Variants in LNPEP observed in about 807,000 individuals in gnomAD.
LNPEP encodes leucyl and cystinyl aminopeptidase, also known as leucyl-cystinyl aminopeptidase.
A neutral mutation model predicts 120.6 loss-of-function variants in LNPEP; 64 were observed. The ratio of observed to expected loss-of-function variants is 0.53; its 90% CI spans 0.43 to 0.65. LNPEP has a LOEUF of 0.65. Ranked by LOEUF, LNPEP falls within the 30% of genes least tolerant of loss-of-function variation. The pLI is 0.00. For missense variants in LNPEP, 1,057 were observed against 1,200.0 expected, an observed-to-expected ratio of 0.88 and a Z score of 1.76; for synonymous variants, 435 against 425.4, an observed-to-expected ratio of 1.02 and a Z score of -0.28.
chr5:96,994,505 C>T (rs1790462238), intron 6 of LNPEP, among the ~76,000 whole-genome samples: 1 of 149,518 alleles, frequency 6.7e-6, no homozygotes, highest in African/African-American at 2.5e-5. Flanking sequence ...ATGGGGTTCT[C>T]TGTTAATTTT....
intron 1 of LNPEP, among the ~76,000 whole-genome samples, chr5:96,948,679 C>T (rs922396142): frequency 6.6e-6 from 1 of 152,100 alleles, no homozygotes; most frequent in Admixed American, 6.5e-5. Context: ...AATTGTTTCT[C>T]GAAAAGATTA....
chr5:96,979,382 T>C lies in LNPEP; in HGVS notation c.264T>C (p.Leu88=). The change falls in exon 2 of 18, where the codon CTT becomes CTC. Residue 88 remains leucine (L), a synonymous_variant. Transcript: ENST00000231368. The part of the protein sequence containing the change: ...GMSFMNRSSG[L]RNSATGYRQS... ...CCTTCATGAATAGAAGCTCAGGCCT[T>C]CGGAACAGTGCAACTGGTTACAGGC... is the stretch of plus-strand genomic sequence containing the variant. 6.2e-7 allele frequency: 1 copy of C among 1,614,082 alleles called. No homozygotes were observed. The highest frequency in any genetic ancestry group is 1.1e-5 in the South Asian group (1 of 91,082).
intron 4 of LNPEP, among the ~76,000 whole-genome samples, chr5:96,988,100 T>G (rs1440301950): frequency 6.6e-6 from 1 of 152,006 alleles, no homozygotes; most frequent in Non-Finnish European, 1.5e-5. Context: ...TATCCCAAAA[T>G]GTATGCAGTC....
chr5:96,989,266 GATAT>G (rs1335689158), intron 4 of LNPEP, among the ~76,000 whole-genome samples: 2 of 135,728 alleles, frequency 1.5e-5, no homozygotes, highest in African/African-American at 5.5e-5. Flanking sequence ...GTGTATATAT[GATAT>G]ATATATTATA....
rs1193708221 is a variant in LNPEP, at chr5:96,954,749, C to CAT, written c.19+18598_19+18599dup. Among the ~76,000 whole-genome samples, 44 of 24,206 alleles carry CAT rather than the reference C, an allele frequency of 1.8e-3. 10 individuals are homozygous for CAT. The highest frequency in any genetic ancestry group is 3.3e-3 in the African/African-American group (18 of 5,410). 15.9% of individuals were successfully genotyped at this position (24,206 alleles called of 152,430 possible). A position where few individuals can be genotyped will look rare whatever the true frequency, so the allele number is the denominator to read the frequency against. The stretch of plus-strand genomic sequence containing the variant: ...ATATATATATACATATATATATACA[C>CAT]ATATATATATATATATATATATATT... On this transcript the variant is annotated intron_variant, in intron 1 of 17. Transcript: ENST00000231368.
intron 7 of LNPEP, among the ~76,000 whole-genome samples, chr5:96,996,725 T>C (rs904966869): frequency 2.6e-5 from 4 of 152,120 alleles, no homozygotes; most frequent in African/African-American, 9.7e-5. Flanking sequence ...TTATATAAGA[T>C]TATTTTATAT....
chr5:96,992,037 A>T (rs1790400848), intron 4 of LNPEP, among the ~76,000 whole-genome samples: 1 of 37,956 alleles, frequency 2.6e-5, no homozygotes, highest in African/African-American at 7.5e-5. Flanking sequence ...AGAAAAAAAT[A>T]AATACTGTTT....
rs147206030 is a variant in LNPEP, at chr5:96,939,362, C to T, written c.19+3188C>T. Among the ~76,000 whole-genome samples, 54 of 151,934 alleles carry T rather than the reference C, an allele frequency of 3.6e-4. No individual in the cohort carries two copies. The South Asian group carries it at 4.6e-3, about 13-fold the overall frequency. ...CCGAGTAGCTGGGATTACAGGCGCC[C>T]GCCACCATGCCCAAATAATTTTTGT... On this transcript the variant is annotated intron_variant, in intron 1 of 17. Coordinates refer to ENST00000231368, the MANE Select transcript of LNPEP (RefSeq NM_005575.3).
At chr5:96,981,748 G>A (rs965241822) in intron 2 of LNPEP, among the ~76,000 whole-genome samples, 8 of 152,176 alleles carry the variant, frequency 5.3e-5, no homozygotes, top group African/African-American at 1.4e-4. Flanking sequence ...TTACCCATGT[G>A]ATCTAAGAGA....
At chr5:97,007,738 A>T (rs948004693) in intron 11 of LNPEP, among the ~76,000 whole-genome samples, 2 of 152,114 alleles carry the variant, frequency 1.3e-5, no homozygotes, top group Non-Finnish European at 2.9e-5. Context: ...AACCTACTTG[A>T]TTCACCATTT....
chr5:96,982,680 A>C (rs1217500428), intron 2 of LNPEP, among the ~76,000 whole-genome samples: 1 of 151,704 alleles, frequency 6.6e-6, no homozygotes, highest in Non-Finnish European at 1.5e-5. Context: ...ATGAAATGTT[A>C]GAAACATAAT....
chr5:96,972,561 C>G (rs1789893007), intron 1 of LNPEP, among the ~76,000 whole-genome samples: 2 of 152,066 alleles, frequency 1.3e-5, no homozygotes, highest in African/African-American at 4.8e-5. Context: ...ACGTGCCCCC[C>G]TTCACCAGCA....
chr5:96,960,568 C>A (rs1789577433), intron 1 of LNPEP, among the ~76,000 whole-genome samples: 1 of 152,124 alleles, frequency 6.6e-6, no homozygotes, highest in African/African-American at 2.4e-5. Flanking sequence ...TTCTGTGTCC[C>A]AACAAGTATA....
chr5:97,010,729 G>C, intron 11 of LNPEP: 1 of 985,320 alleles, frequency 1.0e-6, no homozygotes, highest in Non-Finnish European at 1.2e-6. Context: ...CTACTCAATA[G>C]ACTGAAAATT....
In LNPEP at chr5:97,003,598, C is replaced by T. The variant is rs766618085; in HGVS notation, c.1785+52C>T. On this transcript the variant is annotated intron_variant, in intron 9 of 17. Transcript: ENST00000231368. The stretch of plus-strand genomic sequence containing the variant: ...CTCTTACTGTAAAAAGAGAGGAGTT[C>T]GTCTATTTATACTTTTTAGCATGTG... 11 of 1,326,326 alleles carry T rather than the reference C, an allele frequency of 8.3e-6. No individual in the cohort carries two copies. In the Admixed American group the frequency reaches 9.1e-5, roughly 11 times the overall value. 82.2% of individuals were successfully genotyped at this position (1,326,326 alleles called of 1,614,324 possible).
chr5:96,962,821 A>G (rs542925433), intron 1 of LNPEP: 4 of 151,386 alleles, frequency 2.6e-5, no homozygotes, highest in African/African-American at 9.6e-5. Context: ...GTATTAGCAT[A>G]TGATTTGCCC....
Position 96,979,467 on chromosome 5 carries a change from G to A in LNPEP, c.349G>A (p.Val117Ile). 2 of 1,614,056 alleles carry A rather than the reference G, an allele frequency of 1.2e-6. No individual in the cohort carries two copies. Among genetic ancestry groups the A allele is most frequent in the Non-Finnish European group, 1.7e-6 (2 of 1,179,972 alleles). ...AAGGACCATGGTGGTCTGTGCTTTT[G>A]TCATCGTGGTTGCTGTTTCTGTAAT... The part of the protein sequence containing the change: ...SARTMVVCAF[V>I]IVVAVSVIMV... Residue 117 changes from valine to isoleucine, a missense_variant, in exon 2 of 18, where the codon GTC becomes ATC. Val to Ile is a conservative substitution (Grantham distance 29). Coordinates refer to ENST00000231368, the MANE Select transcript of LNPEP (RefSeq NM_005575.3).
chr5:97,024,739 C>T (rs60280354), intron 15 of LNPEP, 57 bp downstream of exon 15: 15,270 of 1,498,994 alleles, frequency 0.01, 373 homozygotes, highest in East Asian at 0.071. Context: ...AAACACTGTG[C>T]TCTTGGTCAG....
chr5:96,946,343 C>A (rs1298065143), intron 1 of LNPEP, among the ~76,000 whole-genome samples: 1 of 152,098 alleles, frequency 6.6e-6, no homozygotes, highest in Non-Finnish European at 1.5e-5. Context: ...TTGTAGGAAG[C>A]ACACAGAAAA....
Sources: allele counts gnomAD v4.1 joint callset (sites outside exome capture counted in the v4.1 genomes callset), GRCh38; gene constraint gnomAD v4.1.1; transcripts MANE v1.5; gene names NCBI Gene and HGNC (gene_info 2026-07-23, HGNC 2026-07-21).